The following RTL4 variants were observed in gnomAD, a reference collection of about 807,000 sequenced individuals.
RTL4 encodes retrotransposon Gag-like protein 4.
A neutral mutation model predicts 5.3 loss-of-function variants in RTL4; 4 were observed. The ratio of observed to expected loss-of-function variants is 0.75; its 90% CI spans 0.37 to 1.72. RTL4 has a LOEUF of 1.72. RTL4 is among the 40% of genes most tolerant of loss of function. The probability of loss-of-function intolerance (pLI) is 0.04; values close to 1 mark genes in which losing one functional copy is unlikely to be tolerated. For missense variants in RTL4, 260 were observed against 227.1 expected, an observed-to-expected ratio of 1.14 and a Z score of -0.93; for synonymous variants, 98 against 87.3, an observed-to-expected ratio of 1.12 and a Z score of -0.68.
the RTL4 span, among the ~76,000 whole-genome samples, chrX:112,287,770 T>C: frequency 9.0e-6 from 1 of 111,559 alleles, no homozygotes; most frequent in Non-Finnish European, 1.9e-5. Flanking sequence ...ATATTAACTG[T>C]CAAAAGATTT....
At chrX:112,101,112 A>G in the RTL4 span, among the ~76,000 whole-genome samples, 1 of 112,174 alleles carries the variant, frequency 8.9e-6, no homozygotes, top group Non-Finnish European at 1.9e-5. Context: ...ACGTTAAAAA[A>G]ATTTTCATAT....
the RTL4 span, among the ~76,000 whole-genome samples, chrX:112,179,181 T>G: frequency 1.8e-5 from 2 of 110,965 alleles, no homozygotes; most frequent in Non-Finnish European, 3.8e-5. Context: ...GAGTTAGGCC[T>G]AGGGAATATT....
the RTL4 span, among the ~76,000 whole-genome samples, chrX:112,167,861 A>C: frequency 2.7e-5 from 3 of 109,505 alleles, no homozygotes; most frequent in Non-Finnish European, 5.7e-5. Context: ...AAATGAGATG[A>C]TACAGAAAGG....
At chrX:112,374,867 A>G in the RTL4 span, among the ~76,000 whole-genome samples, 1 of 111,501 alleles carries the variant, frequency 9.0e-6, no homozygotes, top group African/African-American at 3.3e-5. Flanking sequence ...AGAATTGCCT[A>G]GCCACAGGTC....
At position 112,456,102 on chromosome X, in the gene RTL4, C is replaced by T. The variant is rs760135202; in HGVS notation, c.*441C>T. On this transcript the variant is annotated 3_prime_UTR_variant, in exon 1 of 1. Transcript: ENST00000340433. ...CCTTTATTGGTCTGTATCCTAGTTT[C>T]CTGTTGGCTTAGGACCTTTGGCTGA... 3.6e-5 allele frequency: 10 copies of T among 275,951 alleles called. No homozygotes were observed. The South Asian group carries it at 1.9e-3, about 53-fold the overall frequency. 22.7% of individuals were successfully genotyped at this position (275,951 alleles called of 1,213,427 possible).
chrX:112,352,717 C>T, the RTL4 span, among the ~76,000 whole-genome samples: 1 of 111,282 alleles, frequency 9.0e-6, no homozygotes, highest in Non-Finnish European at 1.9e-5. Context: ...GGCCTAAAAA[C>T]CATAAAAACC....
At chrX:112,339,587 C>A in the RTL4 span, among the ~76,000 whole-genome samples, 1 of 112,204 alleles carries the variant, frequency 8.9e-6, no homozygotes, top group African/African-American at 3.2e-5. Flanking sequence ...AAATAAGAAC[C>A]ATGTAAGCAT....
the RTL4 span, among the ~76,000 whole-genome samples, chrX:112,224,402 C>T: frequency 4.6e-5 from 5 of 108,395 alleles, no homozygotes; most frequent in African/African-American, 1.3e-4. Context: ...AGTGCAGTGG[C>T]GCTGTCTTAG....
the RTL4 span, among the ~76,000 whole-genome samples, chrX:112,226,018 G>A: frequency 8.9e-6 from 1 of 111,820 alleles, no homozygotes; most frequent in Non-Finnish European, 1.9e-5. Context: ...CTCAGAGTTG[G>A]GAGGACAAGT....
At chrX:112,399,568 C>T in the RTL4 span, among the ~76,000 whole-genome samples, 1 of 111,192 alleles carries the variant, frequency 9.0e-6, no homozygotes, top group Non-Finnish European at 1.9e-5. Flanking sequence ...TTCCTTGACC[C>T]GTGTTTTTTA....
chrX:112,137,947 C>T, the RTL4 span, among the ~76,000 whole-genome samples: 4 of 111,720 alleles, frequency 3.6e-5, no homozygotes, highest in African/African-American at 1.3e-4. Context: ...TCTGCGTAGC[C>T]ATGTTCATTG....
the RTL4 span, among the ~76,000 whole-genome samples, chrX:112,276,201 C>T: frequency 2.7e-5 from 3 of 111,640 alleles, no homozygotes; most frequent in East Asian, 5.6e-4. Flanking sequence ...TTTGCTAAGA[C>T]GTGTTAGTAA....
At chrX:112,259,733 T>G in the RTL4 span, among the ~76,000 whole-genome samples, 1 of 111,437 alleles carries the variant, frequency 9.0e-6, no homozygotes, top group Non-Finnish European at 1.9e-5. Context: ...GTGATGTAAA[T>G]GACTCATTCA....
chrX:112,423,204 G>A, the RTL4 span, among the ~76,000 whole-genome samples: 1 of 110,464 alleles, frequency 9.1e-6, no homozygotes, highest in East Asian at 2.9e-4. Context: ...TCTGGTGATA[G>A]ATCAATTCCT....
At chrX:112,138,581 G>T in the RTL4 span, among the ~76,000 whole-genome samples, 2 of 110,498 alleles carry the variant, frequency 1.8e-5, no homozygotes, top group Admixed American at 9.7e-5. Context: ...CCTCAGTAAA[G>T]TGTTTTTTTT....
chrX:112,161,840 C>T, the RTL4 span, among the ~76,000 whole-genome samples: 13,034 of 38,703 alleles, frequency 0.34, 2,265 homozygotes, highest in Admixed American at 0.38. Flanking sequence ...TTCCTTCCTT[C>T]CTTCCTTTCT....
the RTL4 span, among the ~76,000 whole-genome samples, chrX:112,126,888 A>C: frequency 8.9e-6 from 1 of 111,914 alleles, no homozygotes. Context: ...TAGACCTATA[A>C]AAAGTTTTTT....
At chrX:112,402,631 C>T in the RTL4 span, among the ~76,000 whole-genome samples, 1 of 111,228 alleles carries the variant, frequency 9.0e-6, no homozygotes, top group South Asian at 3.8e-4. Context: ...CATCACTTCA[C>T]TCATTCCTTA....
chrX:112,435,452 A>G, the RTL4 span, among the ~76,000 whole-genome samples: 1 of 112,380 alleles, frequency 8.9e-6, no homozygotes, highest in East Asian at 2.8e-4. Context: ...TGAGAGTTCT[A>G]AAAAATAACA....
Sources: gnomAD v4.1 joint callset for allele counts (sites outside exome capture counted in the v4.1 genomes callset) on GRCh38, gnomAD v4.1.1 for gene constraint, MANE v1.5 for transcripts, NCBI Gene and HGNC (gene_info 2026-07-23, HGNC 2026-07-21) for gene names.